The following KANK2 variants were observed in gnomAD, a reference collection of about 807,000 sequenced individuals.
KANK2 encodes KN motif and ankyrin repeat domains 2.
A neutral mutation model predicts 74.6 loss-of-function variants in KANK2; 41 were observed. The ratio of observed to expected loss-of-function variants is 0.55; its 90% confidence interval spans 0.43 to 0.71. The LOEUF (loss-of-function observed/expected upper bound fraction) is 0.71. Among genes scored for constraint, KANK2 ranks in the 30% least tolerant of loss-of-function variants. The pLI is 0.00. For synonymous variants in KANK2, 537 were observed against 519.0 expected (o/e 1.03, Z -0.47); for missense variants, 1,148 against 1,196.4 (o/e 0.96, Z 0.60).
At position 11,178,696 on chromosome 19, in the gene KANK2, G is replaced by A. The variant is rs143873045; in HGVS notation, c.1274C>T (p.Ser425Leu). ...AAGLPEVPAE[S>L]SSSPPGSEVA... ...CTCGGACCCCGGGGGTGACGAAGAC[G>A]ATTCGGCAGGAACTTCTGGGAGGCC... The change falls in exon 5 of 13, where the codon TCG becomes TTG. Residue 425 changes from serine to leucine, a missense_variant. Ser to Leu is a moderately radical substitution (Grantham distance 145). Coordinates refer to ENST00000586659, the MANE Select transcript of KANK2 (RefSeq NM_001136191.3). 420 of 1,537,442 alleles carry A rather than the reference G, an allele frequency of 2.7e-4. 2 individuals are homozygous for A. The African/African-American group carries it at 4.9e-3, about 18-fold the overall frequency.
chr19:11,197,005 C>G (rs1439930755), intron 1 of KANK2: 3 of 152,052 alleles, frequency 2.0e-5, no homozygotes, highest in African/African-American at 4.8e-5. Flanking sequence ...TGGCAAACAG[C>G]TGCCGCTCCC....
In KANK2 at chr19:11,194,018, G is replaced by A. The variant is rs993426479; in HGVS notation, c.62C>T (p.Pro21Leu). ...ATCGGGGTCCTTGGCAGGGAAGGCA[G>A]GTGGGGAGGCTGGGCCAGGGGTCCC... Reference protein sequence around the residue: ...FPGTPGPASPPAFPAKDPDPP... With the variant: ...FPGTPGPASPLAFPAKDPDPP... The change falls in exon 4 of 13, where the codon CCT becomes CTT. Residue 21 changes from proline (P) to leucine (L), a missense_variant. Pro to Leu is a moderately conservative substitution (Grantham distance 98, BLOSUM62 -3). Coordinates refer to ENST00000586659, the MANE Select transcript of KANK2 (RefSeq NM_001136191.3). 1.9e-6 allele frequency: 3 copies of A among 1,610,516 alleles called. No individual in the cohort carries two copies. The highest frequency in any genetic ancestry group is 2.5e-6 in the Non-Finnish European group (3 of 1,177,728).
intron 10 of KANK2, among the ~76,000 whole-genome samples, chr19:11,172,006 C>T: frequency 7.0e-6 from 1 of 143,192 alleles, no homozygotes; most frequent in East Asian, 2.1e-4. Context: ...GACAGAGTCT[C>T]ACTCTGTAGC....
In KANK2 at chr19:11,166,471, G is replaced by T; in HGVS notation, c.*87C>A. ...GTGGGCCTTGGGGAGTGTGAGTGGG[G>T]TGGGCCAGGGAGGAACGGGAACAGG... On this transcript the variant is annotated 3_prime_UTR_variant, in exon 13 of 13. Coordinates refer to ENST00000586659, the MANE Select transcript of KANK2 (RefSeq NM_001136191.3). 3 of 1,258,848 alleles carry T rather than the reference G, an allele frequency of 2.4e-6. No homozygotes were observed. Among genetic ancestry groups the T allele is most frequent in the Non-Finnish European group, 3.5e-6 (3 of 861,138 alleles). The allele number at this position is 1,258,848 out of a possible 1,614,324, so 78.0% of individuals were successfully genotyped here. A position where few individuals can be genotyped will look rare whatever the true frequency, so the allele number is the denominator to read the frequency against.
chr19:11,186,712 G>C (rs560821317), intron 4 of KANK2, among the ~76,000 whole-genome samples: 3 of 152,112 alleles, frequency 2.0e-5, no homozygotes, highest in African/African-American at 7.2e-5. Context: ...AAAAAAAGAA[G>C]AAAAATTAGA....
intron 6 of KANK2, among the ~76,000 whole-genome samples, chr19:11,177,554 G>T (rs912989541): frequency 5.9e-5 from 9 of 152,054 alleles, no homozygotes; most frequent in African/African-American, 2.2e-4. Context: ...GTTTCACCAT[G>T]TTGGCCAGGC....
Position 11,192,793 on chromosome 19 carries a change from C to A in KANK2, c.1249+38G>T, listed in dbSNP as rs7254270. On this transcript the variant is annotated intron_variant, in intron 4 of 12. Transcript: ENST00000586659. Reference sequence around the variant, plus strand: ...CATGGGAAGAAAGAGGCCCCCCCCCCCCAAGCCATTCTCCCCTGCCTGCCT... The same window carrying A: ...CATGGGAAGAAAGAGGCCCCCCCCCACCAAGCCATTCTCCCCTGCCTGCCT... 190,203 of 1,575,996 alleles carry A rather than the reference C, an allele frequency of 0.12. 12,989 individuals are homozygous for A. Among genetic ancestry groups the A allele is most frequent in the Non-Finnish European group, 0.13 (152,063 of 1,155,390 alleles).
chr19:11,178,959 C>G (rs2078432475), intron 4 of KANK2, among the ~76,000 whole-genome samples: 1 of 152,190 alleles, frequency 6.6e-6, no homozygotes, highest in African/African-American at 2.4e-5. Flanking sequence ...TGCCCAGCAG[C>G]TAGTCAGGGA....
intron 4 of KANK2, among the ~76,000 whole-genome samples, chr19:11,185,771 C>T (rs935146748): frequency 1.5e-5 from 2 of 133,070 alleles, no homozygotes; most frequent in Non-Finnish European, 3.4e-5. Context: ...GGCTGAATTC[C>T]GAGGCTCGCA....
At chr19:11,187,938 T>G (rs996460250) in intron 4 of KANK2, among the ~76,000 whole-genome samples, 2 of 151,904 alleles carry the variant, frequency 1.3e-5, no homozygotes, top group East Asian at 3.9e-4. Context: ...TAGTGAGACC[T>G]CATCTCAATA....
intron 4 of KANK2, among the ~76,000 whole-genome samples, chr19:11,190,532 C>T (rs139897975): frequency 1.4e-3 from 212 of 152,276 alleles, no homozygotes; most frequent in Non-Finnish European, 2.6e-3. Context: ...AGAACATTAT[C>T]AGCAGAAGCA....
chr19:11,193,759 G>A lies in KANK2; in HGVS notation c.321C>T (p.Phe107=), dbSNP rs1454707895. ...TCTCCAGAGCACCATACTGAGGGTA[G>A]AAGCCACGGCCGCAGTAGGAATAGG... ...HSAYSYCGRG[F]YPQYGALETR... Residue 107 remains phenylalanine, a synonymous_variant, in exon 4 of 13, where the codon TTC becomes TTT. Transcript: ENST00000586659. This position sits in a 1 kb window ranked among gnomAD's most constrained non-coding sequence, Gnocchi z 9.6. The A allele has an allele frequency of 1.9e-5, 31 of 1,612,668 alleles. No homozygotes were observed. Among genetic ancestry groups the A allele is most frequent in the Non-Finnish European group, 2.5e-5 (29 of 1,179,720 alleles).
At chr19:11,172,671 G>C (rs559048657) in intron 10 of KANK2, among the ~76,000 whole-genome samples, 241 of 152,246 alleles carry the variant, frequency 1.6e-3, no homozygotes, top group African/African-American at 5.1e-3. Context: ...TTGAAGAACG[G>C]GCTAGTGAGC....
chr19:11,189,479 C>T (rs1342294431), intron 4 of KANK2, among the ~76,000 whole-genome samples: 1 of 151,494 alleles, frequency 6.6e-6, no homozygotes, highest in Non-Finnish European at 1.5e-5. Context: ...TGGTGCATGC[C>T]TGTAATCCCA....
intron 4 of KANK2, among the ~76,000 whole-genome samples, chr19:11,191,513 T>A (rs980946502): frequency 2.6e-5 from 4 of 152,210 alleles, no homozygotes; most frequent in African/African-American, 9.6e-5. Flanking sequence ...GGGGCTCCCC[T>A]ACCCCCGGCG....
intron 7 of KANK2, 68 bp downstream of exon 7, chr19:11,176,510 G>A: frequency 6.7e-7 from 1 of 1,498,866 alleles, no homozygotes; most frequent in Non-Finnish European, 8.9e-7. Flanking sequence ...GGCTTGAACG[G>A]TGGGGGTTTG....
Position 11,192,999 on chromosome 19 carries a change from C to G in KANK2, c.1081G>C (p.Gly361Arg). ...ATTGCCAGGGCCCTCAGCCCTGTGC[C>G]GTAAGGCTCCAGGCTCTGGGCCCGC... ...AQRAQSLEPY[G>R]TGLRALAMPG... The change falls in exon 4 of 13, where the codon GGC (glycine) becomes CGC (arginine). Residue 361 changes from glycine (G) to arginine (R), a missense_variant. By Grantham distance (125) the Gly-to-Arg change is moderately radical. Transcript: ENST00000586659. 1 of 1,613,906 alleles carries G rather than the reference C, an allele frequency of 6.2e-7. No individual in the cohort carries two copies. Among genetic ancestry groups the G allele is most frequent in the Non-Finnish European group, 8.5e-7 (1 of 1,179,948 alleles).
chr19:11,169,024 A>G (rs2078099279), intron 12 of KANK2, among the ~76,000 whole-genome samples: 1 of 152,166 alleles, frequency 6.6e-6, no homozygotes, highest in South Asian at 2.1e-4. Context: ...CAACATAGTG[A>G]GACCCAGTCT....
rs150922608 is a variant in KANK2 at position 11,188,424 on chromosome 19, C to T, written c.1249+4407G>A. ...TTTGCCATGTTGCCCAAGCTGGTCT[C>T]GAGCTCCTGACCTCAGGTGATCTGC... On this transcript the variant is annotated intron_variant, in intron 4 of 12. Transcript: ENST00000586659. Among the ~76,000 whole-genome samples the T allele has an allele frequency of 2.8e-3, 426 of 151,784 alleles. 7 individuals are homozygous for T. The highest frequency in any genetic ancestry group is 9.5e-3 in the African/African-American group (393 of 41,374).
Sources: gnomAD v4.1 joint callset for allele counts (sites outside exome capture counted in the v4.1 genomes callset) on GRCh38, gnomAD v4.1.1 for gene constraint, Gnocchi (gnomAD v3.1) non-coding constraint, MANE v1.5 for transcripts, NCBI Gene and HGNC (gene_info 2026-07-23, HGNC 2026-07-21) for gene names.